The following IFI6 variants were observed in gnomAD, a reference collection of about 807,000 sequenced individuals.
The protein encoded by IFI6 is interferon alpha-inducible protein 6.
IFI6 carries 10 observed loss-of-function variants against 12.7 expected under a neutral mutation model. That is an observed-to-expected ratio of 0.79 (90% CI 0.49 to 1.33). IFI6 has a LOEUF of 1.33. IFI6 is among the 40% of genes most tolerant of loss of function. IFI6 has a pLI of 0.00. For synonymous variants in IFI6, 89 were observed against 86.2 expected (o/e 1.03, Z -0.18); for missense variants, 154 against 180.4 (o/e 0.85, Z 0.84).
intron 4 of IFI6, among the ~76,000 whole-genome samples, chr1:27,666,946 T>C (rs2090356422): frequency 6.6e-6 from 1 of 151,866 alleles, no homozygotes; most frequent in Middle Eastern, 3.4e-3. Flanking sequence ...CTTTGGGCTT[T>C]TGCCATTCAG....
Position 27,668,301 on chromosome 1 carries a change from G to C in IFI6, c.223C>G (p.Leu75Val), listed in dbSNP as rs2090367324. 1 of 1,581,624 alleles carries C rather than the reference G, an allele frequency of 6.3e-7. No homozygotes were observed. The highest frequency in any genetic ancestry group is 1.3e-5 in the African/African-American group (1 of 74,136). ...TTCAGGATCGCAGACCAGCTCATCA[G>C]CGAGGCAGCCACCGAGTTGGCCGCG... is the stretch of plus-strand genomic sequence containing the variant. ...GIAANSVAAS[L>V]MSWSAILNGG... The change falls in exon 4 of 5, where the codon CTG (leucine) becomes GTG (valine). Residue 75 changes from leucine (L) to valine (V), a missense_variant. Physicochemically the swap from Leu to Val is conservative, Grantham distance 32. Coordinates refer to ENST00000361157, the MANE Select transcript of IFI6 (RefSeq NM_002038.4).
intron 1 of IFI6, 199 bp from the exon 2 acceptor site, chr1:27,669,545 GTGTGCGGATTC>G (rs983477990): frequency 3.2e-5 from 17 of 531,302 alleles, no homozygotes; most frequent in Admixed American, 6.2e-5. Context: ...CAACCGGTGG[GTGTGCGGATTC>G]TGTGCGGATT....
chr1:27,668,581 A>T (rs958242679), intron 2 of IFI6, 46 bp from the exon 3 acceptor site: 2 of 1,491,646 alleles, frequency 1.3e-6, no homozygotes, highest in African/African-American at 2.8e-5. Context: ...GGGGTGGGAC[A>T]CAGGGGTCCC....
At position 27,668,318 on chromosome 1, in the gene IFI6, T is replaced by C. The variant is rs1425033102; in HGVS notation, c.206A>G (p.Asn69Ser). 2 of 1,574,546 alleles carry C rather than the reference T, an allele frequency of 1.3e-6. No individual in the cohort carries two copies. Among genetic ancestry groups the C allele is most frequent in the Middle Eastern group, 1.8e-4 (1 of 5,702 alleles). The change falls in exon 4 of 5, where the codon AAC becomes AGC. Residue 69 changes from asparagine to serine, a missense_variant. Transcript: ENST00000361157. ...LGFTGAGIAA[N>S]SVAASLMSWS... ...GCTCATCAGCGAGGCAGCCACCGAG[T>C]TGGCCGCGATGCCGGCGCCGGTGAA...
chr1:27,669,322 C>T lies in IFI6; in HGVS notation c.-8G>A. 1 of 1,552,702 alleles carries T rather than the reference C, an allele frequency of 6.4e-7. No homozygotes were observed. Among genetic ancestry groups the T allele is most frequent in the Non-Finnish European group, 8.7e-7 (1 of 1,147,396 alleles). ...TACCGCCTTCTGCCGCATGGTGGCGCCGCGCGCGGGCTCCGTCACTAGACC... is the reference window on the plus strand; with the variant it reads ...TACCGCCTTCTGCCGCATGGTGGCGTCGCGCGCGGGCTCCGTCACTAGACC... On this transcript the variant is annotated 5_prime_UTR_variant, in exon 2 of 5. Coordinates refer to ENST00000361157, the MANE Select transcript of IFI6 (RefSeq NM_002038.4).
In IFI6 at chr1:27,666,422, C is replaced by T. The variant is rs1325980461; in HGVS notation, c.352G>A (p.Ala118Thr). The T allele has an allele frequency of 5.6e-6, 9 of 1,612,808 alleles. No homozygotes were observed. Among genetic ancestry groups the T allele is most frequent in the African/African-American group, 2.7e-5 (2 of 74,660 alleles). ...IGNIGALMGY[A>T]THKYLDSEED... ...TCACTATCGAGATACTTGTGGGTGGCGTAGCCCATCAGGGCACCAATATTA... is the reference window on the plus strand; with the variant it reads ...TCACTATCGAGATACTTGTGGGTGGTGTAGCCCATCAGGGCACCAATATTA... Residue 118 changes from alanine (A) to threonine (T), a missense_variant, in exon 5 of 5, where the codon GCC becomes ACC. Coordinates refer to ENST00000361157, the MANE Select transcript of IFI6 (RefSeq NM_002038.4).
rs182647071 is a variant in IFI6 at position 27,671,420 on chromosome 1, G to A, written c.-33+703C>T. 6.9e-3 allele frequency among the ~76,000 whole-genome samples: 950 copies of A among 137,580 alleles called. 2 individuals carry two copies. The highest frequency in any genetic ancestry group is 0.012 in the Middle Eastern group (3 of 256). 90.3% of individuals were successfully genotyped at this position (137,580 alleles called of 152,430 possible). On this transcript the variant is annotated intron_variant, in intron 1 of 4. Coordinates refer to ENST00000361157, the MANE Select transcript of IFI6 (RefSeq NM_002038.4). ...TTTTGAGATGGAGTCTTTCTCTGTC[G>A]CCCAGGCTGGAGTGCAGTGGCGCAA...
intron 1 of IFI6, chr1:27,669,938 A>C (rs1007282169): frequency 2.0e-5 from 3 of 152,820 alleles, no homozygotes; most frequent in African/African-American, 7.2e-5. Flanking sequence ...GTGGAAAAAG[A>C]AACTCAGTTT....
At chr1:27,671,271 A>G (rs1345700400) in intron 1 of IFI6, among the ~76,000 whole-genome samples, 2 of 152,202 alleles carry the variant, frequency 1.3e-5, no homozygotes, top group Non-Finnish European at 2.9e-5. Flanking sequence ...CATGTTATAG[A>G]TAAGGAAACT....
In IFI6 at chr1:27,668,284, C is replaced by T. The variant is rs2090366984; in HGVS notation, c.240G>A (p.Ala80=). The change falls in exon 4 of 5, where the codon GCG becomes GCA. Residue 80 remains alanine, a synonymous_variant. Transcript: ENST00000361157. The part of the protein sequence containing the change: ...SVAASLMSWS[A]ILNGGGVPAG... ...CGGGCACGCCGCCCCCATTCAGGAT[C>T]GCAGACCAGCTCATCAGCGAGGCAG... The T allele has an allele frequency of 1.3e-6, 2 of 1,583,188 alleles. No homozygotes were observed. Among genetic ancestry groups the T allele is most frequent in the Non-Finnish European group, 1.7e-6 (2 of 1,168,648 alleles).
In IFI6 at chr1:27,668,314, C is replaced by G. The variant is rs754493056; in HGVS notation, c.210G>C (p.Ser70=). 3.2e-6 allele frequency: 5 copies of G among 1,575,704 alleles called. No homozygotes were observed. Among genetic ancestry groups the G allele is most frequent in the Non-Finnish European group, 3.4e-6 (4 of 1,162,934 alleles). The change falls in exon 4 of 5, where the codon TCG becomes TCC. Residue 70 remains serine, a synonymous_variant. Transcript: ENST00000361157. ...GFTGAGIAAN[S]VAASLMSWSA... ...ACCAGCTCATCAGCGAGGCAGCCAC[C>G]GAGTTGGCCGCGATGCCGGCGCCGG...
intron 1 of IFI6, among the ~76,000 whole-genome samples, chr1:27,671,551 A>AT (rs1459893729): frequency 2.6e-5 from 4 of 151,200 alleles, no homozygotes; most frequent in South Asian, 2.1e-4. Context: ...AGCCCGGCTA[A>AT]TTTTTTTTGT....
At position 27,668,360 on chromosome 1, in the gene IFI6, C is replaced by A; in HGVS notation, c.164G>T (p.Gly55Val). 1 of 1,566,946 alleles carries A rather than the reference C, an allele frequency of 6.4e-7. No homozygotes were observed. Among genetic ancestry groups the A allele is most frequent in the East Asian group, 2.4e-5 (1 of 41,792 alleles). ...GCCGGTGAAGCCCAGCGCGGGCAGC[C>A]CGGCGACTGCGAGTCCTGGAGGAAC... Reference protein sequence around the residue: ...MAVGGGLAVAGLPALGFTGAG... With the variant: ...MAVGGGLAVAVLPALGFTGAG... Residue 55 changes from glycine to valine, a missense_variant, in exon 4 of 5, where the codon GGG becomes GTG. Transcript: ENST00000361157.
In IFI6 at chr1:27,668,252, C is replaced by G; in HGVS notation, c.272G>C (p.Gly91Ala). The G allele has an allele frequency of 6.4e-7, 1 of 1,573,772 alleles. No homozygotes were observed. Among genetic ancestry groups the G allele is most frequent in the South Asian group, 1.2e-5 (1 of 86,936 alleles). Residue 91 changes from glycine (G) to alanine (A), a missense_variant, in exon 4 of 5, where the codon GGG becomes GCG. Physicochemically the swap from Gly to Ala is moderately conservative, Grantham distance 60. Coordinates refer to ENST00000361157, the MANE Select transcript of IFI6 (RefSeq NM_002038.4). ...GAGGCTCTGCAGCGTGGCCACTAGC[C>G]CCCCGGCGGGCACGCCGCCCCCATT... Reference protein sequence around the residue: ...ILNGGGVPAGGLVATLQSLGA... With the variant: ...ILNGGGVPAGALVATLQSLGA...
intron 1 of IFI6, among the ~76,000 whole-genome samples, chr1:27,671,370 C>A (rs531298007): frequency 6.7e-6 from 1 of 150,076 alleles, no homozygotes; most frequent in Non-Finnish European, 1.5e-5. Context: ...GGCTAATACC[C>A]AAGCCCACAT....
intron 4 of IFI6, among the ~76,000 whole-genome samples, chr1:27,667,659 T>C (rs1328578006): frequency 6.6e-6 from 1 of 152,244 alleles, no homozygotes; most frequent in African/African-American, 2.4e-5. Context: ...GCTTGTGATT[T>C]GGCCAAAGCA....
intron 4 of IFI6, among the ~76,000 whole-genome samples, chr1:27,667,806 C>G (rs1264036553): frequency 1.3e-5 from 2 of 152,238 alleles, no homozygotes; most frequent in Non-Finnish European, 2.9e-5. Flanking sequence ...CGCGGTGACT[C>G]ACGCCTGTAA....
intron 1 of IFI6, chr1:27,670,237 G>C (rs1358056753): frequency 1.3e-5 from 2 of 151,894 alleles, no homozygotes; most frequent in Non-Finnish European, 2.9e-5. Context: ...CAGAACTCAG[G>C]GAAACACTTT....
chr1:27,669,171 A>G (rs938767155), intron 2 of IFI6, 74 bp downstream of exon 2: 197 of 1,485,770 alleles, frequency 1.3e-4, no homozygotes, highest in Non-Finnish European at 1.7e-4. Flanking sequence ...CCGCATCCTT[A>G]CCTGCACCCT....
Sources: gnomAD v4.1 joint callset for allele counts (sites outside exome capture counted in the v4.1 genomes callset) on GRCh38, gnomAD v4.1.1 for gene constraint, MANE v1.5 for transcripts, NCBI Gene and HGNC (gene_info 2026-07-23, HGNC 2026-07-21) for gene names.